The following ARHGEF11 variants were observed in gnomAD, a reference collection of about 807,000 sequenced individuals.
ARHGEF11 encodes the protein Rho guanine nucleotide exchange factor 11.
ARHGEF11 carries 55 observed loss-of-function variants against 193.7 expected under a neutral mutation model. The ratio of observed to expected loss-of-function variants is 0.28; its 90% CI spans 0.23 to 0.36. The LOEUF (loss-of-function observed/expected upper bound fraction) is 0.36, where lower values mean the gene tolerates loss of function less well. Among genes scored for constraint, ARHGEF11 ranks in the 10% least tolerant of loss-of-function variants. The probability of loss-of-function intolerance (pLI) is 1.00; values close to 1 mark genes in which losing one functional copy is unlikely to be tolerated. For missense variants in ARHGEF11, 1,723 were observed against 2,005.6 expected (o/e 0.86, Z 2.69); for synonymous variants, 693 against 768.0 (o/e 0.90, Z 1.62).
intron 22 of ARHGEF11, chr1:156,949,172 T>C: frequency 1.1e-6 from 1 of 950,608 alleles, no homozygotes; most frequent in Non-Finnish European, 1.3e-6. Flanking sequence ...GGCTTGTGCT[T>C]AAAGGGGCCT....
At chr1:156,960,215 CCTAGG>C (rs1378983036) in intron 15 of ARHGEF11, among the ~76,000 whole-genome samples, 198 bp downstream of exon 15, 2 of 152,160 alleles carry the variant, frequency 1.3e-5, no homozygotes, top group Admixed American at 6.5e-5. Context: ...AGAGTGAGCG[CCTAGG>C]CAGGGTCTGT....
At chr1:156,939,187 T>G in intron 37 of ARHGEF11, 2 of 289,544 alleles carry the variant, frequency 6.9e-6, no homozygotes. Flanking sequence ...CTGAGAAGAG[T>G]GGCTCTTTTC....
intron 15 of ARHGEF11, among the ~76,000 whole-genome samples, chr1:156,959,650 T>G (rs1660492313): frequency 6.6e-6 from 1 of 152,218 alleles, no homozygotes; most frequent in Non-Finnish European, 1.5e-5. Context: ...TCACTCTGCT[T>G]TTGAGCAAGC....
At position 156,951,638 on chromosome 1, in the gene ARHGEF11, G is replaced by A. The variant is rs1398471232; in HGVS notation, c.1860C>T (p.Ala620=). The change falls in exon 22 of 41, where the codon GCC becomes GCT. Residue 620 remains alanine (A), a synonymous_variant. Transcript: ENST00000368194. ...AGAGTCGTTGTGTCCCAGGTTCTGG[G>A]GCATCATACTGCTGGTTGTTCTCAA... ...QHFENNQQYD[A]PEPGTQRLST... is the part of the protein sequence containing the mutation. 2 of 1,614,124 alleles carry A rather than the reference G, an allele frequency of 1.2e-6. No individual in the cohort carries two copies. Among genetic ancestry groups the A allele is most frequent in the South Asian group, 1.1e-5 (1 of 91,078 alleles).
intron 1 of ARHGEF11, among the ~76,000 whole-genome samples, chr1:157,009,163 T>C (rs541294829): frequency 5.1e-4 from 77 of 152,368 alleles, no homozygotes; most frequent in African/African-American, 1.8e-3. Flanking sequence ...CAAGTGTCTC[T>C]GTGTCACATC....
At chr1:156,969,449 A>C (rs1479571045) in intron 9 of ARHGEF11, 91 bp from the exon 10 acceptor site, 18 of 1,233,134 alleles carry the variant, frequency 1.5e-5, no homozygotes, top group Non-Finnish European at 2.0e-5. Flanking sequence ...CAGGGCAGGA[A>C]GAGGGAGCTG....
At chr1:156,958,998 G>A in intron 16 of ARHGEF11, 48 bp downstream of exon 16, 1 of 1,611,332 alleles carries the variant, frequency 6.2e-7, no homozygotes, top group East Asian at 2.2e-5. Context: ...AGGGCCAAGA[G>A]GCGGAGGTGA....
chr1:156,952,949 G>A lies in ARHGEF11; in HGVS notation c.1799-1250C>T, dbSNP rs72700708. ...GGCTGGGTGATGATGTGGGAGCCTG[G>A]GAACATCCTATAACTGAAAGCCGGC... is the stretch of plus-strand genomic sequence containing the variant. On this transcript the variant is annotated intron_variant, in intron 21 of 40. Transcript: ENST00000368194. Among the ~76,000 whole-genome samples the A allele has an allele frequency of 9.5e-3, 1,450 of 152,342 alleles. 10 individuals carry two copies. Among genetic ancestry groups the A allele is most frequent in the Non-Finnish European group, 0.017 (1,144 of 68,034 alleles).
chr1:157,002,995 T>C (rs906034441), intron 1 of ARHGEF11, among the ~76,000 whole-genome samples: 1 of 152,264 alleles, frequency 6.6e-6, no homozygotes, highest in African/African-American at 2.4e-5. Flanking sequence ...GTGTTAGGAC[T>C]AAATTATTTA....
intron 1 of ARHGEF11, among the ~76,000 whole-genome samples, chr1:157,020,490 T>G (rs903125322): frequency 6.6e-6 from 1 of 152,204 alleles, no homozygotes; most frequent in Non-Finnish European, 1.5e-5. Context: ...GATCCTAAAA[T>G]GAGGCTATGG....
At chr1:157,014,715 T>A (rs554496504) in intron 1 of ARHGEF11, among the ~76,000 whole-genome samples, 6 of 152,172 alleles carry the variant, frequency 3.9e-5, no homozygotes, top group Non-Finnish European at 5.9e-5. Context: ...CTGATGAGAT[T>A]GTTTTCAGTA....
At chr1:156,945,282 T>G in intron 29 of ARHGEF11, 85 bp from the exon 30 acceptor site, 1 of 1,468,694 alleles carries the variant, frequency 6.8e-7, no homozygotes, top group Non-Finnish European at 9.2e-7. Flanking sequence ...TATTCATCCA[T>G]GGCAGCTGGC....
At chr1:156,958,889 G>A in intron 16 of ARHGEF11, 25 bp from the exon 17 acceptor site, 1 of 1,613,936 alleles carries the variant, frequency 6.2e-7, no homozygotes, top group South Asian at 1.1e-5. Flanking sequence ...CACAGGGAAA[G>A]AAAGAAATAT....
chr1:157,025,230 G>A (rs1306111530), intron 1 of ARHGEF11, among the ~76,000 whole-genome samples: 1 of 152,226 alleles, frequency 6.6e-6, no homozygotes, highest in African/African-American at 2.4e-5. Flanking sequence ...TTCCTTTCAA[G>A]TGATGTACTC....
chr1:157,046,800 G>C (rs1477543824), upstream of ARHGEF11, among the ~76,000 whole-genome samples: 2 of 152,022 alleles, frequency 1.3e-5, no homozygotes, highest in Non-Finnish European at 2.9e-5. Flanking sequence ...CCTGAGGTCA[G>C]GAGTTCGAGA....
chr1:156,974,858 G>A (rs1389114293), intron 7 of ARHGEF11, among the ~76,000 whole-genome samples: 2 of 152,088 alleles, frequency 1.3e-5, no homozygotes, highest in Non-Finnish European at 2.9e-5. Flanking sequence ...CTTTTTTATG[G>A]CTGAGTAAAA....
intron 1 of ARHGEF11, among the ~76,000 whole-genome samples, chr1:157,016,052 A>T (rs1669186508): frequency 6.6e-6 from 1 of 152,108 alleles, no homozygotes; most frequent in South Asian, 2.1e-4. Context: ...ACAACAAAAG[A>T]ACAGTAGGAA....
At chr1:156,949,627 C>A (rs1196821828) in intron 22 of ARHGEF11, among the ~76,000 whole-genome samples, 1 of 152,140 alleles carries the variant, frequency 6.6e-6, no homozygotes, top group East Asian at 1.9e-4. Context: ...AATTCACCCT[C>A]CAGAATTGTG....
At chr1:156,980,849 A>AGGG (rs1664065658) in intron 3 of ARHGEF11, among the ~76,000 whole-genome samples, 1 of 86,456 alleles carries the variant, frequency 1.2e-5, no homozygotes, top group Non-Finnish European at 2.3e-5. Context: ...GGGGGGGGGA[A>AGGG]ATGAGTTTAC....
Sources: allele counts gnomAD v4.1 joint callset (sites outside exome capture counted in the v4.1 genomes callset), GRCh38; gene constraint gnomAD v4.1.1; transcripts MANE v1.5; gene names NCBI Gene and HGNC (gene_info 2026-07-23, HGNC 2026-07-21).